DTX2: variants seen among roughly 807,000 people sequenced by gnomAD.
DTX2 encodes probable E3 ubiquitin-protein ligase DTX2.
DTX2 carries 29 observed loss-of-function variants against 55.3 expected under a neutral mutation model. That is an observed-to-expected ratio of 0.52 (90% CI 0.39 to 0.71). The LOEUF (loss-of-function observed/expected upper bound fraction) is 0.71, where lower values mean the gene tolerates loss of function less well. Ranked by LOEUF, DTX2 falls within the 30% of genes least tolerant of loss-of-function variation. The pLI is 0.00. For missense variants in DTX2, 537 were observed against 822.5 expected (o/e 0.65, Z 4.25); for synonymous variants, 276 against 340.4 (o/e 0.81, Z 2.08).
In DTX2 at chr7:76,505,334, C is replaced by T. The variant is rs768155478; in HGVS notation, c.1642-40C>T. 22 of 1,513,046 alleles carry T rather than the reference C, an allele frequency of 1.5e-5. No individual in the cohort carries two copies. The highest frequency in any genetic ancestry group is 1.7e-5 in the Non-Finnish European group (19 of 1,115,026). The allele number at this position is 1,513,046 out of a possible 1,614,324, so 93.7% of individuals were successfully genotyped here. A position where few individuals can be genotyped will look rare whatever the true frequency, so the allele number is the denominator to read the frequency against. On this transcript the variant is annotated intron_variant, in intron 10 of 10. Transcript: ENST00000430490. The surrounding 1 kb of genome is among the most constrained non-coding windows in gnomAD (Gnocchi z 4.4). Reference sequence around the variant, plus strand: ...TGCTCACTGAGCCCCTCTCACTCTCCGTCCCCTCCTTCCTCTTCCCCCTCC... The same window carrying T: ...TGCTCACTGAGCCCCTCTCACTCTCTGTCCCCTCCTTCCTCTTCCCCCTCC...
Position 76,463,724 on chromosome 7 carries a change from G to A in DTX2, c.-90+15G>A, listed in dbSNP as rs1198711561. The stretch of plus-strand genomic sequence containing the variant: ...AGAGAGAAAAGGTGAGAGCCATGGG[G>A]ACTTGACCTTGCTGCCTTCTCTATC... On this transcript the variant is annotated intron_variant, in intron 2 of 10. Transcript: ENST00000430490. 1 of 151,322 alleles carries A rather than the reference G, an allele frequency of 6.6e-6. No homozygotes were observed. Among genetic ancestry groups the A allele is most frequent in the Non-Finnish European group, 1.5e-5 (1 of 67,940 alleles). 9.4% of individuals were successfully genotyped at this position (151,322 alleles called of 1,614,324 possible). A position where few individuals can be genotyped will look rare whatever the true frequency, so the allele number is the denominator to read the frequency against.
chr7:76,494,857 C>G (rs1468076846), intron 5 of DTX2, among the ~76,000 whole-genome samples: 2 of 120,850 alleles, frequency 1.7e-5, no homozygotes, highest in Non-Finnish European at 3.5e-5. Context: ...TGGCCAGCAC[C>G]CCGGAGCCAG....
Position 76,483,059 on chromosome 7 carries a change from C to T in DTX2, c.820C>T (p.Leu274=). ...CGCCTGGGGCGCAGCTCCTCCTTCC[C>T]TGGGGAGCCAGCCCCTCTACCGCTC... ...TNAWGAAPPS[L]GSQPLYRSSL... Residue 274 remains leucine, a synonymous_variant, in exon 4 of 11, where the codon CTG becomes TTG. Transcript: ENST00000430490. The T allele has an allele frequency of 6.2e-7, 1 of 1,613,308 alleles. No individual in the cohort carries two copies. Among genetic ancestry groups the T allele is most frequent in the Non-Finnish European group, 8.5e-7 (1 of 1,179,734 alleles).
intron 2 of DTX2, among the ~76,000 whole-genome samples, chr7:76,469,390 A>C (rs1027236764): frequency 1.9e-5 from 2 of 105,812 alleles, no homozygotes; most frequent in Non-Finnish European, 2.0e-5. Flanking sequence ...TACTGTGAAT[A>C]TTCCTTTTTT....
chr7:76,499,317 G>A (rs990638800), intron 6 of DTX2, among the ~76,000 whole-genome samples: 5 of 127,542 alleles, frequency 3.9e-5, no homozygotes, highest in Admixed American at 8.2e-5. Flanking sequence ...GGCATGATTC[G>A]TTCACAGCAA....
At chr7:76,468,257 T>G (rs1418072574) in intron 2 of DTX2, among the ~76,000 whole-genome samples, 1 of 152,036 alleles carries the variant, frequency 6.6e-6, no homozygotes, top group Non-Finnish European at 1.5e-5. Flanking sequence ...CTGACATGTC[T>G]GCAGAGGGCA....
In DTX2 at chr7:76,498,838, G is replaced by A. The variant is rs1363493063; in HGVS notation, c.1150+1361G>A. On this transcript the variant is annotated intron_variant, in intron 6 of 10. Transcript: ENST00000430490. ...GTGTGTGGGGTGTGTAGAGGTGAGG[G>A]TGTGTGGGGTGTGTGGAGGTGAGGG... Among the ~76,000 whole-genome samples, 4 of 129,432 alleles carry A rather than the reference G, an allele frequency of 3.1e-5. No homozygotes were observed. The East Asian group carries it at 7.3e-4, about 24-fold the overall frequency. The allele number at this position is 129,432 out of a possible 152,430, so 84.9% of individuals were successfully genotyped here.
At chr7:76,504,718 G>A (rs73703183) in intron 10 of DTX2, among the ~76,000 whole-genome samples, 2,459 of 152,248 alleles carry the variant, frequency 0.016, 1 homozygote, top group African/African-American at 0.055. Flanking sequence ...GCAGGGACCG[G>A]GGGCTGTGTT....
intron 6 of DTX2, among the ~76,000 whole-genome samples, chr7:76,498,781 G>A (rs1303219151): frequency 8.7e-5 from 4 of 45,744 alleles, no homozygotes; most frequent in Admixed American, 7.4e-4. Context: ...ATTTGGGTTC[G>A]GGCAGTCTGT....
intron 5 of DTX2, among the ~76,000 whole-genome samples, chr7:76,495,632 AAC>A (rs1021044340): frequency 1.2e-4 from 18 of 147,244 alleles, no homozygotes; most frequent in African/African-American, 4.5e-4. Context: ...TTCCTCAGCA[AAC>A]ACAGAGGGCT....
chr7:76,499,340 TAAAC>T (rs1811373256), intron 6 of DTX2, among the ~76,000 whole-genome samples: 1 of 139,576 alleles, frequency 7.2e-6, no homozygotes, highest in South Asian at 2.5e-4. Context: ...GAACTAGAAT[TAAAC>T]AAACCGTGCC....
chr7:76,502,445 A>G lies in DTX2; in HGVS notation c.1378A>G (p.Asn460Asp), dbSNP rs150141824. 2.5e-4 allele frequency: 407 copies of G among 1,611,904 alleles called. No homozygotes were observed. Among genetic ancestry groups the G allele is most frequent in the Non-Finnish European group, 3.2e-4 (380 of 1,179,852 alleles). ...GCTGTGCCTCCTGGCCATGTACTGC[A>G]ACGGCAATAAGGTGCCCCCACTGGC... Reference protein sequence around the residue: ...HLLCLLAMYCNGNKDGSLQCP... With the variant: ...HLLCLLAMYCDGNKDGSLQCP... The change falls in exon 8 of 11, where the codon AAC becomes GAC. Residue 460 changes from asparagine to aspartate, a missense_variant. Physicochemically the swap from Asn to Asp is conservative, Grantham distance 23. This residue lies in a region of DTX2 where 121 missense variants were observed against 136.8 expected (regional missense o/e 0.88). Transcript: ENST00000430490.
chr7:76,472,365 G>T (rs1283177722), intron 2 of DTX2, among the ~76,000 whole-genome samples: 1 of 112,736 alleles, frequency 8.9e-6, no homozygotes, highest in Non-Finnish European at 1.9e-5. Flanking sequence ...GGCTCATGTT[G>T]CCCAGGCTGG....
chr7:76,465,158 T>C (rs987310997), intron 2 of DTX2, among the ~76,000 whole-genome samples: 3 of 146,662 alleles, frequency 2.0e-5, no homozygotes, highest in Admixed American at 2.0e-4. Context: ...TGGGAAGTGC[T>C]GTTTAAATTG....
chr7:76,465,310 G>A (rs1383709323), intron 2 of DTX2, among the ~76,000 whole-genome samples: 2 of 143,080 alleles, frequency 1.4e-5, no homozygotes, highest in Non-Finnish European at 3.0e-5. Flanking sequence ...AGGGAATTGT[G>A]GAGAGGGAGG....
intron 8 of DTX2, 90 bp downstream of exon 8, chr7:76,502,546 C>T: frequency 2.8e-6 from 4 of 1,428,530 alleles, no homozygotes; most frequent in Non-Finnish European, 2.8e-6. Flanking sequence ...CCGGGGGTGG[C>T]TGTAGGAATG....
At chr7:76,503,339 C>T (rs1248670794) in intron 8 of DTX2, 87 bp from the exon 9 acceptor site, 55 of 1,459,784 alleles carry the variant, frequency 3.8e-5, no homozygotes, top group Non-Finnish European at 4.7e-5. Context: ...AGCCCATTCC[C>T]GGGGCCCTTT....
At chr7:76,465,351 C>T (rs1419216403) in intron 2 of DTX2, among the ~76,000 whole-genome samples, 99 of 132,130 alleles carry the variant, frequency 7.5e-4, no homozygotes, top group East Asian at 4.8e-3. Context: ...GGAAGGGCAC[C>T]GGCAAATATT....
At chr7:76,481,058 G>T (rs1809138525) in intron 3 of DTX2, among the ~76,000 whole-genome samples, 1 of 152,270 alleles carries the variant, frequency 6.6e-6, no homozygotes, top group Admixed American at 6.5e-5. Flanking sequence ...CGGCAGGCCG[G>T]CATGGAGGTG....
Sources: gnomAD v4.1 joint callset for allele counts (sites outside exome capture counted in the v4.1 genomes callset) on GRCh38, gnomAD v4.1.1 for gene constraint, gnomAD v4.1.1 regional missense constraint, Gnocchi (gnomAD v3.1) non-coding constraint, MANE v1.5 for transcripts, NCBI Gene and HGNC (gene_info 2026-07-23, HGNC 2026-07-21) for gene names.